The following SHISA9 variants were observed in gnomAD, a reference collection of about 807,000 sequenced individuals.
The protein encoded by SHISA9 is shisa family member 9, also known as protein shisa-9.
Under a neutral mutation model 38.0 loss-of-function variants are expected in SHISA9, and 13 were observed. That is an observed-to-expected ratio of 0.34 (90% confidence interval 0.22 to 0.54). The LOEUF is 0.54. SHISA9 is among the 20% of genes least tolerant of loss of function. The pLI, the probability that SHISA9 is intolerant of heterozygous loss-of-function variation, is 0.91. For synonymous variants in SHISA9, 275 were observed against 242.0 expected (o/e 1.14, Z -1.27); for missense variants, 538 against 575.8 (o/e 0.93, Z 0.67).
intron 2 of SHISA9, among the ~76,000 whole-genome samples, chr16:12,957,344 T>C (rs927021185): frequency 2.0e-5 from 3 of 152,062 alleles, no homozygotes; most frequent in Non-Finnish European, 2.9e-5. Flanking sequence ...TACCATAGAG[T>C]GGGTGGCTTA....
intron 2 of SHISA9, among the ~76,000 whole-genome samples, chr16:13,158,864 G>A (rs556719918): frequency 6.7e-5 from 10 of 149,714 alleles, no homozygotes; most frequent in African/African-American, 2.5e-4. Flanking sequence ...AGACCATCCT[G>A]GCCAACATGG....
chr16:13,235,589 C>A lies in SHISA9; in HGVS notation c.*180C>A, dbSNP rs955300977. 6 of 761,866 alleles carry A rather than the reference C, an allele frequency of 7.9e-6. No individual in the cohort carries two copies. The highest frequency in any genetic ancestry group is 5.3e-5 in the African/African-American group (3 of 56,824). The allele number at this position is 761,866 out of a possible 1,614,324, so 47.2% of individuals were successfully genotyped here. A position where few individuals can be genotyped will look rare whatever the true frequency, so the allele number is the denominator to read the frequency against. Reference sequence around the variant, plus strand: ...CGCTTTTCCTAGGTCATGCCTGTAACGTGTCGGCGGGCAGCTGAGAAAGAC... The same window carrying A: ...CGCTTTTCCTAGGTCATGCCTGTAAAGTGTCGGCGGGCAGCTGAGAAAGAC... On this transcript the variant is annotated 3_prime_UTR_variant, in exon 5 of 5. Coordinates refer to ENST00000558583, the MANE Select transcript of SHISA9 (RefSeq NM_001145204.3).
chr16:13,524,681 C>T, the SHISA9 span, among the ~76,000 whole-genome samples: 1 of 152,132 alleles, frequency 6.6e-6, no homozygotes, highest in Non-Finnish European at 1.5e-5. Flanking sequence ...ACCTCAGCCT[C>T]CTGAGTAGCG....
chr16:13,413,882 G>A, the SHISA9 span, among the ~76,000 whole-genome samples: 1 of 151,694 alleles, frequency 6.6e-6, no homozygotes, highest in East Asian at 1.9e-4. Flanking sequence ...TGGACACTAA[G>A]GAAAAGAAGT....
chr16:13,161,403 A>G (rs2050594161), intron 2 of SHISA9, among the ~76,000 whole-genome samples: 1 of 152,090 alleles, frequency 6.6e-6, no homozygotes. Flanking sequence ...CCTGTTTCTG[A>G]GCAACTTCTC....
chr16:13,546,951 A>AT, the SHISA9 span, among the ~76,000 whole-genome samples: 1 of 152,156 alleles, frequency 6.6e-6, no homozygotes, highest in African/African-American at 2.4e-5. Context: ...CTGCTGTGCT[A>AT]CAGCCACACT....
intron 2 of SHISA9, among the ~76,000 whole-genome samples, chr16:12,991,247 TC>T (rs777875212): frequency 6.6e-5 from 10 of 152,224 alleles, no homozygotes; most frequent in African/African-American, 9.6e-5. Flanking sequence ...GGGAAAGTTT[TC>T]CCTTTCAGAT....
chr16:12,989,546 G>T (rs958842628), intron 2 of SHISA9, among the ~76,000 whole-genome samples: 3 of 151,844 alleles, frequency 2.0e-5, no homozygotes, highest in Admixed American at 6.6e-5. Context: ...CATTGACATG[G>T]GTGCATCATC....
At chr16:12,935,628 A>G (rs1052521619) in intron 2 of SHISA9, among the ~76,000 whole-genome samples, 6 of 152,024 alleles carry the variant, frequency 3.9e-5, no homozygotes, top group Non-Finnish European at 8.8e-5. Flanking sequence ...CAGGTGGATC[A>G]CTTGAGCTCA....
At chr16:13,358,669 C>T in the SHISA9 span, among the ~76,000 whole-genome samples, 1 of 152,302 alleles carries the variant, frequency 6.6e-6, no homozygotes, top group African/African-American at 2.4e-5. Flanking sequence ...AGTGCTTCAA[C>T]CAACCAGTGA....
At chr16:13,247,946 C>T in the SHISA9 span, among the ~76,000 whole-genome samples, 9 of 152,154 alleles carry the variant, frequency 5.9e-5, no homozygotes, top group South Asian at 2.1e-4. Context: ...TTACAATGTG[C>T]GGGTGCCTTA....
intron 2 of SHISA9, among the ~76,000 whole-genome samples, chr16:13,194,016 C>T (rs563149954): frequency 1.4e-3 from 208 of 152,288 alleles, no homozygotes; most frequent in Non-Finnish European, 2.6e-3. Flanking sequence ...TCCTCCCCTA[C>T]CCTGCATCTG....
the SHISA9 span, among the ~76,000 whole-genome samples, chr16:13,406,633 G>A: frequency 2.0e-5 from 3 of 152,214 alleles, no homozygotes; most frequent in South Asian, 6.2e-4. Flanking sequence ...CCTGCGGGTT[G>A]GGAAGGCTGT....
chr16:13,178,441 G>C (rs915072699), intron 2 of SHISA9, among the ~76,000 whole-genome samples: 1 of 151,776 alleles, frequency 6.6e-6, no homozygotes, highest in Non-Finnish European at 1.5e-5. Flanking sequence ...TGGGCCCCAC[G>C]TTTTACAAGT....
rs376311296 is a variant in SHISA9, at chr16:12,975,300, C to T, written c.691+58485C>T. Among the ~76,000 whole-genome samples the T allele has an allele frequency of 4.6e-5, 7 of 152,020 alleles. No homozygotes were observed. In the South Asian group the frequency reaches 8.4e-4, roughly 18 times the overall value. ...ACGGTGAATCACAAGGTCAGGAGTTCGAGACCATCCTGGCCAACATGGTGA... is the reference window on the plus strand; with the variant it reads ...ACGGTGAATCACAAGGTCAGGAGTTTGAGACCATCCTGGCCAACATGGTGA... On this transcript the variant is annotated intron_variant, in intron 2 of 4. Transcript: ENST00000558583.
chr16:13,031,294 C>G (rs2072988081), intron 2 of SHISA9, among the ~76,000 whole-genome samples: 1 of 152,118 alleles, frequency 6.6e-6, no homozygotes. Flanking sequence ...TGAAGAAACC[C>G]CAGTTATTCA....
chr16:13,358,283 A>T, the SHISA9 span, among the ~76,000 whole-genome samples: 1 of 152,266 alleles, frequency 6.6e-6, no homozygotes, highest in Non-Finnish European at 1.5e-5. Context: ...TATATTTGAC[A>T]TCTGGGTTTT....
intron 2 of SHISA9, among the ~76,000 whole-genome samples, chr16:13,002,226 T>C (rs1020556714): frequency 2.0e-5 from 3 of 152,178 alleles, no homozygotes; most frequent in Admixed American, 2.0e-4. Context: ...GTGTCACATG[T>C]TTAATGTCAT....
At chr16:13,204,781 C>G (rs2051047312) in intron 3 of SHISA9, 2 of 152,168 alleles carry the variant, frequency 1.3e-5, no homozygotes, top group African/African-American at 4.8e-5. Context: ...AAAACTGAGA[C>G]TCTAAGAGGC....
Sources: gnomAD v4.1 joint callset for allele counts (sites outside exome capture counted in the v4.1 genomes callset) on GRCh38, gnomAD v4.1.1 for gene constraint, MANE v1.5 for transcripts, NCBI Gene and HGNC (gene_info 2026-07-23, HGNC 2026-07-21) for gene names.